NECTIN4: variants seen among roughly 807,000 people sequenced by gnomAD.
The protein encoded by NECTIN4 is nectin cell adhesion molecule 4, also known as nectin-4.
A neutral mutation model predicts 51.7 loss-of-function variants in NECTIN4; 19 were observed. That is an observed-to-expected ratio of 0.37 (90% CI 0.26 to 0.54). NECTIN4 has a LOEUF of 0.54. NECTIN4 is among the 20% of genes least tolerant of loss of function. The pLI, the probability that NECTIN4 is intolerant of heterozygous loss-of-function variation, is 0.86. For missense variants in NECTIN4, 619 were observed against 662.4 expected (o/e 0.93, Z 0.72); for synonymous variants, 283 against 286.9 (o/e 0.99, Z 0.14).
chr1:161,073,717 C>T lies in NECTIN4; in HGVS notation c.1233+3G>A, dbSNP rs1557943463. 2 of 1,614,002 alleles carry T rather than the reference C, an allele frequency of 1.2e-6. No homozygotes were observed. The highest frequency in any genetic ancestry group is 1.7e-6 in the Non-Finnish European group (2 of 1,179,838). ...CATGCATACACCCAACCTTGGCACA[C>T]ACCTGGCTCCTGGGGTCCGTGTGAT... is the stretch of plus-strand genomic sequence containing the variant. On this transcript the variant is annotated splice_donor_region_variant and intron_variant, in intron 7 of 8. Transcript: ENST00000368012.
In NECTIN4 at chr1:161,079,567, C is replaced by T. The variant is rs761833356; in HGVS notation, c.439+23G>A. The T allele has an allele frequency of 3.7e-6, 6 of 1,601,834 alleles. No homozygotes were observed. In the South Asian group the frequency reaches 5.5e-5, roughly 15 times the overall value. On this transcript the variant is annotated intron_variant, in intron 2 of 8. Transcript: ENST00000368012. ...CCCCTGCATCCACAGCGGCTCAGAC[C>T]GTACCCAGAGATCCCCGCTTACCCA... is the stretch of plus-strand genomic sequence containing the variant.
chr1:161,072,362 TACAC>T lies in NECTIN4; in HGVS notation c.*295_*298del, dbSNP rs1653209506. ...ACTTGACTCTGATATGACAGCATAA[TACAC>T]ACCACGGACACAGTCACCCCTCCAC... On this transcript the variant is annotated 3_prime_UTR_variant, in exon 9 of 9. Coordinates refer to ENST00000368012, the MANE Select transcript of NECTIN4 (RefSeq NM_030916.3). 2.0e-6 allele frequency: 1 copy of T among 499,124 alleles called. No individual in the cohort carries two copies. The highest frequency in any genetic ancestry group is 2.0e-5 in the South Asian group (1 of 49,704). The allele number at this position is 499,124 out of a possible 1,614,324, so 30.9% of individuals were successfully genotyped here.
Position 161,078,094 on chromosome 1 carries a change from A to C in NECTIN4, c.440-351T>G, listed in dbSNP as rs182300396. Among the ~76,000 whole-genome samples the C allele has an allele frequency of 4.6e-5, 7 of 152,268 alleles. No individual in the cohort carries two copies. The East Asian group carries it at 1.3e-3, about 29-fold the overall frequency. On this transcript the variant is annotated intron_variant, in intron 2 of 8. Coordinates refer to ENST00000368012, the MANE Select transcript of NECTIN4 (RefSeq NM_030916.3). ...AATGTTATCTCAAATTCTGTCAACA[A>C]ACAGTGAGTTAGGTATTATTATCTC...
At chr1:161,077,846 C>A (rs1653490006) in intron 2 of NECTIN4, 103 bp from the exon 3 acceptor site, 4 of 1,058,230 alleles carry the variant, frequency 3.8e-6, no homozygotes, top group Non-Finnish European at 4.0e-6. Flanking sequence ...TTTCAGGCCC[C>A]CTTTCCTTCT....
At chr1:161,082,357 A>G (rs1400142729) in intron 1 of NECTIN4, among the ~76,000 whole-genome samples, 1 of 152,024 alleles carries the variant, frequency 6.6e-6, no homozygotes, top group Non-Finnish European at 1.5e-5. Flanking sequence ...AGGAGGAACA[A>G]GCATTGGGCT....
At chr1:161,087,066 G>C (rs1653981494) in intron 1 of NECTIN4, 1 of 152,202 alleles carries the variant, frequency 6.6e-6, no homozygotes, top group Non-Finnish European at 1.5e-5. Flanking sequence ...TTACCAAATA[G>C]ATTAATAGCA....
chr1:161,088,401 T>A (rs537105352), intron 1 of NECTIN4, among the ~76,000 whole-genome samples: 1 of 152,240 alleles, frequency 6.6e-6, no homozygotes, highest in East Asian at 1.9e-4. Flanking sequence ...ACACACACTC[T>A]CCTCTACTCT....
At chr1:161,075,846 C>T (rs561434292) in intron 4 of NECTIN4, among the ~76,000 whole-genome samples, 27 of 152,236 alleles carry the variant, frequency 1.8e-4, no homozygotes, top group Admixed American at 1.4e-3. Context: ...GGAAGGCCAA[C>T]GTGGGCAGAT....
At position 161,074,370 on chromosome 1, in the gene NECTIN4, G is replaced by C; in HGVS notation, c.1004C>G (p.Pro335Arg). 6.2e-7 allele frequency: 1 copy of C among 1,613,806 alleles called. No individual in the cohort carries two copies. The highest frequency in any genetic ancestry group is 1.1e-5 in the South Asian group (1 of 91,048). ...DSQVTVDVLD[P>R]QEDSGKQVDL... is the part of the protein sequence containing the mutation. ...CACCTGCTTCCCAGAGTCTTCCTGGGGGTCTGCTGGAGACAGGCCACTGTC... is the reference window on the plus strand; with the variant it reads ...CACCTGCTTCCCAGAGTCTTCCTGGCGGTCTGCTGGAGACAGGCCACTGTC... Residue 335 changes from proline (P) to arginine (R), a missense_variant, in exon 6 of 9, where the codon CCC (proline) becomes CGC (arginine). This residue lies in a region of NECTIN4 where 364 missense variants were observed against 415.7 expected (regional missense o/e 0.88). Coordinates refer to ENST00000368012, the MANE Select transcript of NECTIN4 (RefSeq NM_030916.3).
At chr1:161,083,822 C>A (rs1239031487) in intron 1 of NECTIN4, among the ~76,000 whole-genome samples, 1 of 152,274 alleles carries the variant, frequency 6.6e-6, no homozygotes, top group African/African-American at 2.4e-5. Flanking sequence ...CAGACAGGCC[C>A]TCCATTCCAG....
chr1:161,089,269 A>T lies in NECTIN4; in HGVS notation c.28T>A (p.Trp10Arg). Residue 10 changes from tryptophan to arginine, a missense_variant, in exon 1 of 9, where the codon TGG becomes AGG. By Grantham distance (101) the Trp-to-Arg change is moderately radical (BLOSUM62 -3). Coordinates refer to ENST00000368012, the MANE Select transcript of NECTIN4 (RefSeq NM_030916.3). This position sits in a 1 kb window ranked among gnomAD's most constrained non-coding sequence, Gnocchi z 4.1. ...AGCAGCAGCCAGGCCTCAGGCCCCCACATCTCGGCTCCCAGGGACAGGGGC... is the reference window on the plus strand; with the variant it reads ...AGCAGCAGCCAGGCCTCAGGCCCCCTCATCTCGGCTCCCAGGGACAGGGGC... MPLSLGAEM[W>R]GPEAWLLLLL... The T allele has an allele frequency of 6.2e-7, 1 of 1,611,234 alleles. No homozygotes were observed. The highest frequency in any genetic ancestry group is 8.5e-7 in the Non-Finnish European group (1 of 1,179,960).
chr1:161,072,990 G>T, intron 8 of NECTIN4, 105 bp from the exon 9 acceptor site: 1 of 1,174,970 alleles, frequency 8.5e-7, no homozygotes, highest in Non-Finnish European at 1.2e-6. Flanking sequence ...CGTAAGCAGG[G>T]GTAACGGTTG....
At chr1:161,085,884 C>T (rs987473735) in intron 1 of NECTIN4, among the ~76,000 whole-genome samples, 2 of 152,006 alleles carry the variant, frequency 1.3e-5, no homozygotes, top group South Asian at 2.1e-4. Context: ...GGGATTTTGC[C>T]GTGTTGCCCA....
chr1:161,077,595 G>A lies in NECTIN4; in HGVS notation c.588C>T (p.Phe196=). 1 of 1,613,926 alleles carries A rather than the reference G, an allele frequency of 6.2e-7. No individual in the cohort carries two copies. Among genetic ancestry groups the A allele is most frequent in the Non-Finnish European group, 8.5e-7 (1 of 1,180,034 alleles). The change falls in exon 3 of 9, where the codon TTC becomes TTT. Residue 196 remains phenylalanine (F), a synonymous_variant. Transcript: ENST00000368012. ...EVKGTTSSRS[F]KHSRSAAVTS... ...TGACGGCAGCAGAGCGGGAGTGCTT[G>A]AAGGAACGGCTGGACGTTGTGCCTT...
Position 161,072,696 on chromosome 1 carries a change from C to G in NECTIN4, c.1498G>C (p.Gly500Arg). 6.2e-7 allele frequency: 1 copy of G among 1,614,228 alleles called. No individual in the cohort carries two copies. Among genetic ancestry groups the G allele is most frequent in the Non-Finnish European group, 8.5e-7 (1 of 1,180,038 alleles). Residue 500 changes from glycine to arginine, a missense_variant, in exon 9 of 9, where the codon GGC becomes CGC. Physicochemically the swap from Gly to Arg is moderately radical, Grantham distance 125. This residue lies in a region of NECTIN4 where 364 missense variants were observed against 415.7 expected (regional missense o/e 0.88). Coordinates refer to ENST00000368012, the MANE Select transcript of NECTIN4 (RefSeq NM_030916.3). Reference protein sequence around the residue: ...GTLRAKPTGNGIYINGRGHLV With the variant: ...GTLRAKPTGNRIYINGRGHLV Reference sequence around the variant, plus strand: ...TGTCCCCGCCCATTGATGTAGATGCCATTGCCCGTGGGCTTGGCCCGTAGG... The same window carrying G: ...TGTCCCCGCCCATTGATGTAGATGCGATTGCCCGTGGGCTTGGCCCGTAGG...
At position 161,089,455 on chromosome 1, in the gene NECTIN4, G is replaced by A. The variant is rs1044108466; in HGVS notation, c.-159C>T. Reference sequence around the variant, plus strand: ...CACTAGGGGACCCAGCCCCAGCCCCGGCCCCGTTCTACACACCCAGCCGTA... The same window carrying A: ...CACTAGGGGACCCAGCCCCAGCCCCAGCCCCGTTCTACACACCCAGCCGTA... On this transcript the variant is annotated 5_prime_UTR_variant, in exon 1 of 9. Transcript: ENST00000368012. This position sits in a 1 kb window ranked among gnomAD's most constrained non-coding sequence, Gnocchi z 4.1. 10 of 687,990 alleles carry A rather than the reference G, an allele frequency of 1.5e-5. No individual in the cohort carries two copies. Among genetic ancestry groups the A allele is most frequent in the Admixed American group, 4.2e-5 (2 of 47,794 alleles). The allele number at this position is 687,990 out of a possible 1,614,324, so 42.6% of individuals were successfully genotyped here.
intron 1 of NECTIN4, among the ~76,000 whole-genome samples, chr1:161,085,972 A>G (rs1360410920): frequency 6.6e-6 from 1 of 152,172 alleles, no homozygotes; most frequent in African/African-American, 2.4e-5. Context: ...GGCGTGAGCC[A>G]CCACGCCTGG....
rs374412504 is a variant in NECTIN4, at chr1:161,074,193, C to T, written c.1157+24G>A. 5.0e-6 allele frequency: 8 copies of T among 1,613,920 alleles called. No homozygotes were observed. The African/African-American group carries it at 1.1e-4, about 22-fold the overall frequency. Reference sequence around the variant, plus strand: ...TCTTTGTTCTCAGCTTAGTTCTACCCACCCAGGAGTGCCCAGTACTCACTA... The same window carrying T: ...TCTTTGTTCTCAGCTTAGTTCTACCTACCCAGGAGTGCCCAGTACTCACTA... On this transcript the variant is annotated intron_variant, in intron 6 of 8. Transcript: ENST00000368012.
rs547370824 is a variant in NECTIN4 at position 161,078,213 on chromosome 1, G to T, written c.440-470C>A. 2.0e-5 allele frequency among the ~76,000 whole-genome samples: 3 copies of T among 152,156 alleles called. No homozygotes were observed. In the East Asian group the frequency reaches 5.8e-4, roughly 29 times the overall value. ...TGACAAAGCCTAGATTTACACTTGG[G>T]TTTTTATTTTTACTCCAAGGCTGAT... is the stretch of plus-strand genomic sequence containing the variant. On this transcript the variant is annotated intron_variant, in intron 2 of 8. Transcript: ENST00000368012.
Sources: allele counts gnomAD v4.1 joint callset (sites outside exome capture counted in the v4.1 genomes callset), GRCh38; gene constraint gnomAD v4.1.1; regional missense constraint gnomAD v4.1.1; non-coding constraint Gnocchi (gnomAD v3.1); transcripts MANE v1.5; gene names NCBI Gene and HGNC (gene_info 2026-07-23, HGNC 2026-07-21).